The following ELAVL1 variants were observed in gnomAD, a reference collection of about 807,000 sequenced individuals.
ELAVL1 encodes ELAV like RNA binding protein 1, also known as ELAV-like protein 1.
Under a neutral mutation model 28.4 loss-of-function variants are expected in ELAVL1, and 1 was observed. The ratio of observed to expected loss-of-function variants is 0.04; its 90% CI spans 0.01 to 0.17. ELAVL1 has a LOEUF of 0.17. Among genes scored for constraint, ELAVL1 ranks in the 10% least tolerant of loss-of-function variants. ELAVL1 has a pLI of 1.00. For synonymous variants in ELAVL1, 174 were observed against 183.5 expected (o/e 0.95, Z 0.42); for missense variants, 157 against 447.2 (o/e 0.35, Z 5.85).
chr19:7,975,626 T>C (rs1370844030), intron 3 of ELAVL1, among the ~76,000 whole-genome samples: 12 of 152,182 alleles, frequency 7.9e-5, no homozygotes, highest in Admixed American at 7.9e-4. Context: ...CAAGAATTCA[T>C]CCAGTGAGGG....
chr19:7,969,347 T>A (rs1985040202), intron 4 of ELAVL1, among the ~76,000 whole-genome samples: 1 of 152,108 alleles, frequency 6.6e-6, no homozygotes, highest in Non-Finnish European at 1.5e-5. Context: ...CACCCAACTG[T>A]CCCCATGTCC....
intron 3 of ELAVL1, among the ~76,000 whole-genome samples, chr19:7,978,774 A>G (rs1487482086): frequency 5.9e-5 from 9 of 151,968 alleles, no homozygotes; most frequent in Non-Finnish European, 1.2e-4. Context: ...CTGGCATCTG[A>G]GGTGAGGGCG....
intron 3 of ELAVL1, among the ~76,000 whole-genome samples, chr19:7,976,572 T>C (rs1985299068): frequency 1.3e-5 from 2 of 152,242 alleles, no homozygotes; most frequent in African/African-American, 4.8e-5. Context: ...CACCAGAAGC[T>C]GTGAGAGAGG....
rs1434824887 is a variant in ELAVL1 at position 7,979,885 on chromosome 19, CT to C, written c.276+1197del. On this transcript the variant is annotated intron_variant, in intron 3 of 5. Transcript: ENST00000407627. The surrounding 1 kb of genome is among the most constrained non-coding windows in gnomAD (Gnocchi z 5.4). The stretch of plus-strand genomic sequence containing the variant: ...CAGCTGTTGGCTGAAGGTGCTGTCA[CT>C]GTCAGGTCACAGAACCCCTCTTGGT... 6.6e-6 allele frequency among the ~76,000 whole-genome samples: 1 copy of C among 152,190 alleles called. No homozygotes were observed. Among genetic ancestry groups the C allele is most frequent in the Non-Finnish European group, 1.5e-5 (1 of 68,024 alleles).
intron 1 of ELAVL1, among the ~76,000 whole-genome samples, chr19:7,998,870 GC>G (rs2081057972): frequency 6.6e-6 from 1 of 152,150 alleles, no homozygotes; most frequent in South Asian, 2.1e-4. Flanking sequence ...CATAATCACG[GC>G]TCACTGCAGC....
chr19:7,961,036 G>A lies in ELAVL1; in HGVS notation c.*2447C>T, dbSNP rs139908588. The A allele has an allele frequency of 1.3e-5, 2 of 152,348 alleles. No homozygotes were observed. Among genetic ancestry groups the A allele is most frequent in the Non-Finnish European group, 2.9e-5 (2 of 68,036 alleles). The allele number at this position is 152,348 out of a possible 1,614,324, so 9.4% of individuals were successfully genotyped here. On this transcript the variant is annotated 3_prime_UTR_variant, in exon 6 of 6. Coordinates refer to ENST00000407627, the MANE Select transcript of ELAVL1 (RefSeq NM_001419.3). Reference sequence around the variant, plus strand: ...TAGCTAGAAGGCTGTTCAAACAGCGGAGACCACATACAATGAGAATGTTCC... The same window carrying A: ...TAGCTAGAAGGCTGTTCAAACAGCGAAGACCACATACAATGAGAATGTTCC...
chr19:7,993,706 C>T (rs542941604), intron 1 of ELAVL1, among the ~76,000 whole-genome samples: 10 of 152,024 alleles, frequency 6.6e-5, no homozygotes, highest in Non-Finnish European at 1.3e-4. Context: ...TGTGGATGGC[C>T]ACCCGCCTGG....
At chr19:7,996,346 T>A (rs1161970422) in intron 1 of ELAVL1, among the ~76,000 whole-genome samples, 1 of 152,016 alleles carries the variant, frequency 6.6e-6, no homozygotes, top group Non-Finnish European at 1.5e-5. Context: ...CATGCCCAGC[T>A]AATTTTTTGT....
chr19:7,971,587 GGAGT>G (rs1985112424), intron 4 of ELAVL1, among the ~76,000 whole-genome samples: 1 of 152,256 alleles, frequency 6.6e-6, no homozygotes, highest in Admixed American at 6.5e-5. Context: ...GCAGACCAGG[GGAGT>G]TTACACCGAG....
intron 1 of ELAVL1, among the ~76,000 whole-genome samples, chr19:7,998,132 G>A (rs2081055610): frequency 6.6e-6 from 1 of 152,114 alleles, no homozygotes; most frequent in African/African-American, 2.4e-5. Flanking sequence ...GCAGTTTCAT[G>A]ACGTTTCTGG....
intron 1 of ELAVL1, among the ~76,000 whole-genome samples, chr19:8,003,355 CAAAAAAAAAAAAAAAAAAAGAAAAAG>C (rs1157998451): frequency 6.5e-5 from 4 of 61,092 alleles, no homozygotes; most frequent in Admixed American, 2.7e-4. Flanking sequence ...GAAACTGTCT[CAAAAAAAAAAAAAAAAAAAGAAAAAG>C]AAAAAAAAAA....
intron 2 of ELAVL1, among the ~76,000 whole-genome samples, chr19:7,990,384 A>T (rs1985718457): frequency 6.7e-6 from 1 of 148,282 alleles, no homozygotes; most frequent in Non-Finnish European, 1.5e-5. Context: ...GCCCAGGCTA[A>T]AGTGTAGAAG....
chr19:7,976,677 CCCT>C (rs1985302971), intron 3 of ELAVL1, among the ~76,000 whole-genome samples: 2 of 152,108 alleles, frequency 1.3e-5, no homozygotes, highest in African/African-American at 4.8e-5. Context: ...TGAGTTGATA[CCCT>C]TCTTCTGTTG....
chr19:8,003,987 G>T (rs767775244), intron 1 of ELAVL1, among the ~76,000 whole-genome samples: 10 of 152,072 alleles, frequency 6.6e-5, no homozygotes, highest in Non-Finnish European at 1.5e-4. Context: ...TGAATCAGAG[G>T]GCCCGAGTTC....
chr19:7,971,399 G>A (rs927382255), intron 4 of ELAVL1, among the ~76,000 whole-genome samples: 1 of 152,370 alleles, frequency 6.6e-6, no homozygotes, highest in Middle Eastern at 3.4e-3. Context: ...AGGAGGAGGG[G>A]AGTGGACTGT....
Position 7,962,909 on chromosome 19 carries a change from ACGCTGGACGGGCCCG to A in ELAVL1, c.*559_*573del, listed in dbSNP as rs1375035076. ...TGGCCCCCGGCCCCAGTGGTGGCCC[ACGCTGGACGGGCCCG>A]CCGCCATTCCCAGGACCACTCGGCA... On this transcript the variant is annotated 3_prime_UTR_variant, in exon 6 of 6. Coordinates refer to ENST00000407627, the MANE Select transcript of ELAVL1 (RefSeq NM_001419.3). 1 of 152,980 alleles carries A rather than the reference ACGCTGGACGGGCCCG, an allele frequency of 6.5e-6. No individual in the cohort carries two copies. The highest frequency in any genetic ancestry group is 2.4e-5 in the African/African-American group (1 of 41,464). 9.5% of individuals were successfully genotyped at this position (152,980 alleles called of 1,614,324 possible). A position where few individuals can be genotyped will look rare whatever the true frequency, so the allele number is the denominator to read the frequency against.
At chr19:7,974,732 G>A (rs1253770645) in intron 3 of ELAVL1, among the ~76,000 whole-genome samples, 7 of 152,152 alleles carry the variant, frequency 4.6e-5, no homozygotes, top group East Asian at 1.9e-4. Flanking sequence ...GAACCTGTGC[G>A]AAAGGAAGTT....
rs889017545 is a variant in ELAVL1, at chr19:7,959,210, C to A, written c.*4273G>T. ...CATTTTATTGTTGACTTTTGGACAC[C>A]AGTGTCAGACTTTATTGAAAACAAA... On this transcript the variant is annotated 3_prime_UTR_variant, in exon 6 of 6. Coordinates refer to ENST00000407627, the MANE Select transcript of ELAVL1 (RefSeq NM_001419.3). 2.6e-5 allele frequency: 4 copies of A among 152,242 alleles called. No individual in the cohort carries two copies. The highest frequency in any genetic ancestry group is 9.7e-5 in the African/African-American group (4 of 41,298). 9.4% of individuals were successfully genotyped at this position (152,242 alleles called of 1,614,324 possible).
chr19:7,974,450 C>T (rs1985221944), intron 3 of ELAVL1, among the ~76,000 whole-genome samples: 1 of 152,220 alleles, frequency 6.6e-6, no homozygotes, highest in Non-Finnish European at 1.5e-5. Flanking sequence ...TGAAGAGAAC[C>T]TTCTGGGTGC....
Sources: gnomAD v4.1 joint callset for allele counts (sites outside exome capture counted in the v4.1 genomes callset) on GRCh38, gnomAD v4.1.1 for gene constraint, Gnocchi (gnomAD v3.1) non-coding constraint, MANE v1.5 for transcripts, NCBI Gene and HGNC (gene_info 2026-07-23, HGNC 2026-07-21) for gene names.